UNC13C: variants seen among roughly 807,000 people sequenced by gnomAD.
The protein encoded by UNC13C is unc-13 homolog C.
A neutral mutation model predicts 245.4 loss-of-function variants in UNC13C; 174 were observed. The ratio of observed to expected loss-of-function variants is 0.71; its 90% CI spans 0.63 to 0.80. The LOEUF (loss-of-function observed/expected upper bound fraction) is 0.80. UNC13C is among the 30% of genes least tolerant of loss of function. The pLI is 0.00. For missense variants in UNC13C, 2,829 were observed against 2,602.9 expected (o/e 1.09, Z -1.89); for synonymous variants, 992 against 895.1 (o/e 1.11, Z -1.93).
At chr15:54,228,290 G>T (rs563138903) in intron 4 of UNC13C, among the ~76,000 whole-genome samples, 2 of 152,218 alleles carry the variant, frequency 1.3e-5, no homozygotes, top group South Asian at 4.1e-4. Context: ...CAGAAATGCT[G>T]TCCAAAAGCC....
At chr15:54,602,641 C>G (rs74014252) in intron 30 of UNC13C, among the ~76,000 whole-genome samples, 4,402 of 152,134 alleles carry the variant, frequency 0.029, 215 homozygotes, top group African/African-American at 0.1. Flanking sequence ...TAGCACAGAA[C>G]AAAGAGCCAC....
At chr15:54,508,575 TC>T (rs989125092) in intron 23 of UNC13C, among the ~76,000 whole-genome samples, 16 of 152,292 alleles carry the variant, frequency 1.1e-4, no homozygotes, top group African/African-American at 3.8e-4. Context: ...TCCTTTTCCT[TC>T]CCTCAGTGCT....
At chr15:54,256,418 C>T (rs747193391) in intron 8 of UNC13C, among the ~76,000 whole-genome samples, 1 of 152,168 alleles carries the variant, frequency 6.6e-6, no homozygotes, top group Admixed American at 6.5e-5. Context: ...AGTAGTCCCA[C>T]CTTATTCGTG....
intron 20 of UNC13C, among the ~76,000 whole-genome samples, chr15:54,499,658 G>T (rs1396519325): frequency 2.6e-5 from 4 of 152,204 alleles, no homozygotes; most frequent in South Asian, 2.1e-4. Context: ...ATAGATTATA[G>T]ATCATAACTA....
chr15:54,115,575 A>C (rs1487387382), intron 2 of UNC13C, among the ~76,000 whole-genome samples: 1 of 152,128 alleles, frequency 6.6e-6, no homozygotes, highest in Admixed American at 6.5e-5. Flanking sequence ...ATGTGTAAAG[A>C]TCAAATCAGG....
chr15:54,138,478 A>ATGTT (rs1321713949), intron 2 of UNC13C, among the ~76,000 whole-genome samples: 1 of 152,024 alleles, frequency 6.6e-6, no homozygotes, highest in Non-Finnish European at 1.5e-5. Context: ...AACCTCAAAC[A>ATGTT]TGAGGTTACT....
At chr15:54,500,808 G>A in intron 21 of UNC13C, 27 bp from the exon 22 acceptor site, 1 of 1,609,500 alleles carries the variant, frequency 6.2e-7, no homozygotes. Context: ...GTACTGTTTG[G>A]GATGGTTTCA....
In UNC13C at chr15:54,338,399, G is replaced by C; in HGVS notation, c.4623G>C (p.Val1541=). The change falls in exon 17 of 33, where the codon GTG becomes GTC. Residue 1541 remains valine (V), a synonymous_variant. Transcript: ENST00000260323. ...AAAGCCCCCCAAAAGCGAGCATGGT[G>C]GTGAAGGACTGTGTAAGGGCTTGCC... is the stretch of plus-strand genomic sequence containing the variant. The part of the protein sequence containing the change: ...ELQSPPKASM[V]VKDCVRACLD... The C allele has an allele frequency of 6.2e-7, 1 of 1,613,350 alleles. No individual in the cohort carries two copies. The highest frequency in any genetic ancestry group is 1.1e-5 in the South Asian group (1 of 91,000).
chr15:54,224,771 G>A (rs1026808080), intron 4 of UNC13C, among the ~76,000 whole-genome samples: 14 of 152,102 alleles, frequency 9.2e-5, no homozygotes, highest in African/African-American at 3.4e-4. Flanking sequence ...GAAGTCATCA[G>A]GTCCCAGGCT....
chr15:54,584,893 G>C lies in UNC13C; in HGVS notation c.6106+16946G>C, dbSNP rs181659355. The stretch of plus-strand genomic sequence containing the variant: ...GATTCAAATCCAAATTCTTCCAACT[G>C]TAAGCACAGGGCATTTTCCACTAAT... On this transcript the variant is annotated intron_variant, in intron 30 of 32. Coordinates refer to ENST00000260323, the MANE Select transcript of UNC13C (RefSeq NM_001080534.3). Among the ~76,000 whole-genome samples, 3 of 152,326 alleles carry C rather than the reference G, an allele frequency of 2.0e-5. No homozygotes were observed. The East Asian group carries it at 5.8e-4, about 29-fold the overall frequency.
chr15:54,604,823 T>A (rs1048330556), intron 30 of UNC13C, among the ~76,000 whole-genome samples: 7 of 152,192 alleles, frequency 4.6e-5, no homozygotes, highest in Non-Finnish European at 1.0e-4. Flanking sequence ...ATAGAGAGCA[T>A]GAGAAATCAA....
chr15:54,044,499 C>A, intron 2 of UNC13C: 1 of 243,060 alleles, frequency 4.1e-6, no homozygotes. Flanking sequence ...TGAAGAATTT[C>A]CCAACTGTTT....
At chr15:53,979,241 A>C (rs1158272382) in intron 1 of UNC13C, among the ~76,000 whole-genome samples, 1 of 149,420 alleles carries the variant, frequency 6.7e-6, no homozygotes, top group African/African-American at 2.4e-5. Flanking sequence ...GGGATATTCC[A>C]TAACCCCTCG....
At chr15:54,582,408 A>G (rs1898240226) in intron 30 of UNC13C, among the ~76,000 whole-genome samples, 1 of 152,172 alleles carries the variant, frequency 6.6e-6, no homozygotes, top group Non-Finnish European at 1.5e-5. Flanking sequence ...CTACTAAGAT[A>G]TGAGATATAG....
intron 7 of UNC13C, among the ~76,000 whole-genome samples, chr15:54,246,240 T>A (rs1488618310): frequency 1.3e-5 from 2 of 152,184 alleles, no homozygotes; most frequent in Non-Finnish European, 2.9e-5. Flanking sequence ...AACAAAATAT[T>A]TCTCTAGGGT....
chr15:54,006,528 G>A (rs73415042), intron 1 of UNC13C, among the ~76,000 whole-genome samples: 2,281 of 152,176 alleles, frequency 0.015, 67 homozygotes, highest in African/African-American at 0.053. Context: ...ATTATTTAAT[G>A]TGTTACTGTG....
intron 17 of UNC13C, among the ~76,000 whole-genome samples, chr15:54,349,505 C>A (rs1567206322): frequency 6.6e-6 from 1 of 151,826 alleles, no homozygotes. Flanking sequence ...AAAATTATAA[C>A]CTCACGTTGT....
intron 19 of UNC13C, among the ~76,000 whole-genome samples, chr15:54,476,792 G>T (rs1344006286): frequency 4.7e-5 from 7 of 149,022 alleles, no homozygotes; most frequent in Admixed American, 1.3e-4. Context: ...GGTGATGCGG[G>T]CTCTTTTTTG....
chr15:54,047,912 A>C (rs1312806611), intron 2 of UNC13C, among the ~76,000 whole-genome samples: 1 of 152,176 alleles, frequency 6.6e-6, no homozygotes, highest in East Asian at 1.9e-4. Context: ...ATGGGCAAAA[A>C]ACTGAAATAT....
Sources: allele counts gnomAD v4.1 joint callset (sites outside exome capture counted in the v4.1 genomes callset), GRCh38; gene constraint gnomAD v4.1.1; transcripts MANE v1.5; gene names NCBI Gene and HGNC (gene_info 2026-07-23, HGNC 2026-07-21).